The following FHIT variants were observed in gnomAD, a reference collection of about 807,000 sequenced individuals.
The protein encoded by FHIT is bis(5'-adenosyl)-triphosphatase.
Under a neutral mutation model 17.9 loss-of-function variants are expected in FHIT, and 19 were observed. That is an observed-to-expected ratio of 1.06 (90% CI 0.74 to 1.56). The LOEUF (loss-of-function observed/expected upper bound fraction) is 1.56, where lower values mean the gene tolerates loss of function less well. FHIT is among the 40% of genes most tolerant of loss of function. The pLI, the probability that FHIT is intolerant of heterozygous loss-of-function variation, is 0.00. For missense variants in FHIT, 248 were observed against 189.2 expected (o/e 1.31, Z -1.82); for synonymous variants, 81 against 69.7 (o/e 1.16, Z -0.81).
intron 5 of FHIT, among the ~76,000 whole-genome samples, chr3:60,240,671 G>A (rs1169690728): frequency 6.6e-6 from 1 of 152,166 alleles, no homozygotes; most frequent in Non-Finnish European, 1.5e-5. Flanking sequence ...CAGAGGACTT[G>A]GGAGGGAAGC....
At chr3:60,508,548 A>C (rs2107538274) in intron 5 of FHIT, among the ~76,000 whole-genome samples, 1 of 152,302 alleles carries the variant, frequency 6.6e-6, no homozygotes, top group Non-Finnish European at 1.5e-5. Context: ...ATTAATTTAG[A>C]CTTCATTGGA....
intron 4 of FHIT, among the ~76,000 whole-genome samples, chr3:60,724,917 G>A (rs368816392): frequency 9.5e-4 from 145 of 152,190 alleles, no homozygotes; most frequent in African/African-American, 3.3e-3. Flanking sequence ...CCAAAGTGCT[G>A]GGATTACAGG....
chr3:60,822,392 G>T (rs1000790570), intron 3 of FHIT, among the ~76,000 whole-genome samples: 1 of 152,126 alleles, frequency 6.6e-6, no homozygotes, highest in Admixed American at 6.5e-5. Flanking sequence ...TGAGTCTGGT[G>T]GGAAGAGTCT....
Position 60,326,158 on chromosome 3 carries a change from G to A in FHIT, c.103+210702C>T, listed in dbSNP as rs140430793. 7.0e-4 allele frequency among the ~76,000 whole-genome samples: 107 copies of A among 152,186 alleles called. 1 individual carries two copies. Among genetic ancestry groups the A allele is most frequent in the African/African-American group, 2.3e-3 (96 of 41,512 alleles). ...AGATGGGGGTGGAGTGGGGCTGGCA[G>A]GGGGGTGGTGATGGTTTCAGGATGA... On this transcript the variant is annotated intron_variant, in intron 5 of 9. Coordinates refer to ENST00000492590, the MANE Select transcript of FHIT (RefSeq NM_002012.4).
At chr3:60,244,478 T>C (rs1337654156) in intron 5 of FHIT, among the ~76,000 whole-genome samples, 1 of 152,102 alleles carries the variant, frequency 6.6e-6, no homozygotes, top group African/African-American at 2.4e-5. Flanking sequence ...CAGAATAATG[T>C]AACAAGATAA....
intron 5 of FHIT, among the ~76,000 whole-genome samples, chr3:60,317,421 A>G (rs545687090): frequency 6.6e-6 from 1 of 151,670 alleles, no homozygotes; most frequent in Non-Finnish European, 1.5e-5. Context: ...TGCTCATCAC[A>G]TTTTTCCACT....
intron 3 of FHIT, among the ~76,000 whole-genome samples, chr3:60,860,147 G>GATATATCTTATATAT (rs1553751049): frequency 2.6e-5 from 2 of 77,134 alleles, no homozygotes; most frequent in African/African-American, 1.3e-4. Flanking sequence ...ATATACATAT[G>GATATATCTTATATAT]GTATATATGA....
chr3:60,496,127 G>A (rs1185843358), intron 5 of FHIT, among the ~76,000 whole-genome samples: 1 of 151,792 alleles, frequency 6.6e-6, no homozygotes, highest in Non-Finnish European at 1.5e-5. Context: ...AGACCAAAAG[G>A]AAATTATTAA....
At chr3:60,853,945 T>C (rs1450227883) in intron 3 of FHIT, among the ~76,000 whole-genome samples, 5 of 152,148 alleles carry the variant, frequency 3.3e-5, no homozygotes, top group African/African-American at 9.7e-5. Flanking sequence ...GATGTCTTCA[T>C]GTAAAACTTA....
chr3:59,874,463 T>C (rs1244376724), intron 8 of FHIT, among the ~76,000 whole-genome samples: 2 of 152,168 alleles, frequency 1.3e-5, no homozygotes, highest in African/African-American at 2.4e-5. Context: ...GCAGATTTAG[T>C]AGGTCTAGGG....
intron 5 of FHIT, among the ~76,000 whole-genome samples, chr3:60,306,322 G>T (rs903405877): frequency 2.0e-5 from 3 of 152,060 alleles, no homozygotes; most frequent in African/African-American, 7.2e-5. Flanking sequence ...AATACATCCC[G>T]CATTATTTCA....
chr3:59,964,982 T>C (rs983802873), intron 7 of FHIT, among the ~76,000 whole-genome samples: 1 of 152,228 alleles, frequency 6.6e-6, no homozygotes, highest in African/African-American at 2.4e-5. Context: ...AAATCTATTA[T>C]AGCACAAAGT....
At chr3:60,516,389 T>C (rs143446232) in intron 5 of FHIT, among the ~76,000 whole-genome samples, 1,811 of 152,320 alleles carry the variant, frequency 0.012, 32 homozygotes, top group African/African-American at 0.039. Flanking sequence ...TATCATGAGA[T>C]GTCTTCGCTA....
intron 2 of FHIT, among the ~76,000 whole-genome samples, chr3:61,119,979 T>C (rs991896531): frequency 2.0e-5 from 3 of 152,206 alleles, no homozygotes; most frequent in African/African-American, 7.2e-5. Flanking sequence ...AATGAGTTAA[T>C]TCCTCATAAT....
intron 5 of FHIT, among the ~76,000 whole-genome samples, chr3:60,100,907 A>T (rs930500164): frequency 6.6e-6 from 1 of 152,132 alleles, no homozygotes. Flanking sequence ...CCTTTGGACA[A>T]AAAAGTAGTT....
chr3:60,253,815 G>A (rs1444123981), intron 5 of FHIT, among the ~76,000 whole-genome samples: 1 of 152,182 alleles, frequency 6.6e-6, no homozygotes, highest in Non-Finnish European at 1.5e-5. Flanking sequence ...AGGACAAAAC[G>A]TGGTATCCTT....
chr3:60,104,034 T>C (rs1025348759), intron 5 of FHIT, among the ~76,000 whole-genome samples: 27 of 152,184 alleles, frequency 1.8e-4, no homozygotes, highest in African/African-American at 5.3e-4. Context: ...AATTTAAGTC[T>C]GTGACCCCTA....
In FHIT at chr3:60,215,404, G is replaced by T. The variant is rs568981178; in HGVS notation, c.104-201252C>A. 6.6e-5 allele frequency among the ~76,000 whole-genome samples: 10 copies of T among 151,852 alleles called. No individual in the cohort carries two copies. The East Asian group carries it at 2.0e-3, about 30-fold the overall frequency. ...TGAGGCAGGAGAATCACTTGAACCT[G>T]AGAGGCAGAGGTCACAGTGAGCAGA... On this transcript the variant is annotated intron_variant, in intron 5 of 9. Coordinates refer to ENST00000492590, the MANE Select transcript of FHIT (RefSeq NM_002012.4).
chr3:60,327,794 T>TC (rs908049096), intron 5 of FHIT, among the ~76,000 whole-genome samples: 45 of 152,084 alleles, frequency 3.0e-4, no homozygotes, highest in African/African-American at 1.1e-3. Flanking sequence ...TATATTAGGG[T>TC]CCCAGTGGGA....
Sources: gnomAD v4.1 joint callset for allele counts (sites outside exome capture counted in the v4.1 genomes callset) on GRCh38, gnomAD v4.1.1 for gene constraint, MANE v1.5 for transcripts, NCBI Gene and HGNC (gene_info 2026-07-23, HGNC 2026-07-21) for gene names.